Variants in GRIN2D observed in about 807,000 individuals in gnomAD.
The protein encoded by GRIN2D is glutamate ionotropic receptor NMDA type subunit 2D.
GRIN2D carries 37 observed loss-of-function variants against 103.2 expected under a neutral mutation model. The ratio of observed to expected loss-of-function variants is 0.36; its 90% CI spans 0.28 to 0.47. The LOEUF (loss-of-function observed/expected upper bound fraction) is 0.47, where lower values mean the gene tolerates loss of function less well. Among genes scored for constraint, GRIN2D ranks in the 20% least tolerant of loss-of-function variants. The probability of loss-of-function intolerance (pLI) is 1.00; values close to 1 mark genes in which losing one functional copy is unlikely to be tolerated. For synonymous variants in GRIN2D, 845 were observed against 885.6 expected (o/e 0.95, Z 0.81); for missense variants, 1,557 against 1,910.6 (o/e 0.81, Z 3.45).
chr19:48,443,516 G>T lies in GRIN2D; in HGVS notation c.3590G>T (p.Cys1197Phe). 2.2e-6 allele frequency: 3 copies of T among 1,347,598 alleles called. No homozygotes were observed. The highest frequency in any genetic ancestry group is 1.9e-6 in the Non-Finnish European group (2 of 1,049,950). 83.5% of individuals were successfully genotyped at this position (1,347,598 alleles called of 1,614,324 possible). A position where few individuals can be genotyped will look rare whatever the true frequency, so the allele number is the denominator to read the frequency against. The change falls in exon 14 of 14, where the codon TGC (cysteine) becomes TTC (phenylalanine). Residue 1197 changes from cysteine (C) to phenylalanine (F), a missense_variant. Cys to Phe is a radical substitution (Grantham distance 205, BLOSUM62 -2). Transcript: ENST00000263269. The surrounding 1 kb of genome is among the most constrained non-coding windows in gnomAD (Gnocchi z 8.9). Reference sequence around the variant, plus strand: ...CTGCCGCCGCCGCGCCATCTCAGCTGCTCGCACGATGGCCTGGACGGCGGC... The same window carrying T: ...CTGCCGCCGCCGCGCCATCTCAGCTTCTCGCACGATGGCCTGGACGGCGGC... The part of the protein sequence containing the change: ...ELLPPPRHLS[C>F]SHDGLDGGWW...
Position 48,393,855 on chromosome 19 carries a change from C to T in GRIN2D, c.-319C>T, listed in dbSNP as rs1970595256. Among the ~76,000 whole-genome samples, 1 of 151,956 alleles carries T rather than the reference C, an allele frequency of 6.6e-6. No homozygotes were observed. The highest frequency in any genetic ancestry group is 6.6e-5 in the Admixed American group (1 of 15,256). On this transcript the variant is annotated 5_prime_UTR_variant, in exon 1 of 14. Transcript: ENST00000263269. The surrounding 1 kb of genome is among the most constrained non-coding windows in gnomAD (Gnocchi z 5.6). ...CGGCCCCCAGGGGTCTCTCGAGCGT[C>T]TGCCATCTGCCCGGTGAGGATCTGT...
chr19:48,421,700 G>A lies in GRIN2D; in HGVS notation c.2092-85G>A, dbSNP rs1971025920. ...ACTCCTGGGACTGGGGTGTCTGCCA[G>A]ATAGCGGGTGTGTCTCAGAATGGGT... On this transcript the variant is annotated intron_variant, in intron 10 of 13. Transcript: ENST00000263269. The surrounding 1 kb of genome is among the most constrained non-coding windows in gnomAD (Gnocchi z 4.8). 1 of 1,121,608 alleles carries A rather than the reference G, an allele frequency of 8.9e-7. No individual in the cohort carries two copies. The highest frequency in any genetic ancestry group is 1.3e-6 in the Non-Finnish European group (1 of 753,998). The allele number at this position is 1,121,608 out of a possible 1,614,324, so 69.5% of individuals were successfully genotyped here.
At position 48,402,610 on chromosome 19, in the gene GRIN2D, G is replaced by C. The variant is rs868861295; in HGVS notation, c.466-2124G>C. 1.7e-3 allele frequency among the ~76,000 whole-genome samples: 250 copies of C among 151,082 alleles called. 3 individuals are homozygous for C. Among genetic ancestry groups the C allele is most frequent in the African/African-American group, 5.9e-3 (245 of 41,294 alleles). ...CGGGCGCCTGTAGTCCCAGCTACTCGGGAGGCTGAGGCAGGAGAATGGCGT... is the reference window on the plus strand; with the variant it reads ...CGGGCGCCTGTAGTCCCAGCTACTCCGGAGGCTGAGGCAGGAGAATGGCGT... On this transcript the variant is annotated intron_variant, in intron 3 of 13. Transcript: ENST00000263269.
rs1345145672 is a variant in GRIN2D, at chr19:48,414,870, A to G, written c.1419A>G (p.Pro473=). ...GCCTGGTCACTGCCCGCAGCCCTCC[A>G]CCGGATGCCCCCCGCCCGGAAAAGC... ...RSQLNRTHSP[P]PDAPRPEKRC... The change falls in exon 7 of 14, where the codon CCA becomes CCG. Residue 473 remains proline, a synonymous_variant. Coordinates refer to ENST00000263269, the MANE Select transcript of GRIN2D (RefSeq NM_000836.4). This position sits in a 1 kb window ranked among gnomAD's most constrained non-coding sequence, Gnocchi z 4.6. 1.2e-6 allele frequency: 2 copies of G among 1,613,786 alleles called. No homozygotes were observed. The highest frequency in any genetic ancestry group is 1.7e-5 in the Admixed American group (1 of 59,968).
intron 2 of GRIN2D, among the ~76,000 whole-genome samples, chr19:48,396,462 G>C (rs373726790): frequency 6.6e-6 from 1 of 152,016 alleles, no homozygotes; most frequent in African/African-American, 2.4e-5. Flanking sequence ...GCAGAGGAGG[G>C]GCTGGAGGGT....
chr19:48,400,143 G>A (rs988755779), intron 3 of GRIN2D, among the ~76,000 whole-genome samples: 4 of 152,164 alleles, frequency 2.6e-5, no homozygotes, highest in African/African-American at 9.7e-5. Context: ...TGACTCCCAA[G>A]GGCACAGAAG....
chr19:48,433,363 C>T (rs1971183746), intron 11 of GRIN2D, among the ~76,000 whole-genome samples: 3 of 151,820 alleles, frequency 2.0e-5, no homozygotes. Context: ...ATAACTCTAT[C>T]TCAAAAATAA....
chr19:48,404,293 C>T (rs1306481082), intron 3 of GRIN2D, among the ~76,000 whole-genome samples: 1 of 151,172 alleles, frequency 6.6e-6, no homozygotes, highest in Non-Finnish European at 1.5e-5. Flanking sequence ...GGTGGCTTTC[C>T]TCCGTATGGT....
chr19:48,407,460 G>A (rs1600973557), intron 4 of GRIN2D, among the ~76,000 whole-genome samples: 1 of 152,054 alleles, frequency 6.6e-6, no homozygotes, highest in East Asian at 1.9e-4. Context: ...AGATCTCATA[G>A]CAAAATGTCA....
At chr19:48,418,614 G>A (rs557883260) in intron 8 of GRIN2D, among the ~76,000 whole-genome samples, 1 of 152,146 alleles carries the variant, frequency 6.6e-6, no homozygotes, top group Non-Finnish European at 1.5e-5. Flanking sequence ...GTAGCATCAG[G>A]GGCAGGAGCG....
At position 48,394,990 on chromosome 19, in the gene GRIN2D, T is replaced by A. The variant is rs112904816; in HGVS notation, c.-27+54T>A. ...GGTGGTGGGAATGTGGACCCCCAAA[T>A]CTAGGACAGAGGAAGTTGGCAAGAA... is the stretch of plus-strand genomic sequence containing the variant. On this transcript the variant is annotated intron_variant, in intron 2 of 13. Coordinates refer to ENST00000263269, the MANE Select transcript of GRIN2D (RefSeq NM_000836.4). The surrounding 1 kb of genome is among the most constrained non-coding windows in gnomAD (Gnocchi z 5.1). 626 of 152,198 alleles carry A rather than the reference T, an allele frequency of 4.1e-3. 7 individuals carry two copies. The highest frequency in any genetic ancestry group is 0.014 in the African/African-American group (584 of 41,316). 9.4% of individuals were successfully genotyped at this position (152,198 alleles called of 1,614,324 possible). A position where few individuals can be genotyped will look rare whatever the true frequency, so the allele number is the denominator to read the frequency against.
chr19:48,396,026 G>A (rs1970635193), intron 2 of GRIN2D, among the ~76,000 whole-genome samples: 1 of 152,140 alleles, frequency 6.6e-6, no homozygotes, highest in African/African-American at 2.4e-5. Context: ...GTCTTTACGG[G>A]AGGAGGTAGG....
At chr19:48,434,830 C>T (rs12460671) in intron 11 of GRIN2D, among the ~76,000 whole-genome samples, 5,131 of 152,080 alleles carry the variant, frequency 0.034, 151 homozygotes, top group African/African-American at 0.075. Context: ...ATCTGCTGGC[C>T]TCAGCCTCCC....
intron 11 of GRIN2D, among the ~76,000 whole-genome samples, chr19:48,425,521 C>T (rs2147461155): frequency 6.6e-6 from 1 of 152,284 alleles, no homozygotes; most frequent in South Asian, 2.1e-4. Flanking sequence ...GGATTACAGG[C>T]GTGAGCCACC....
At position 48,398,844 on chromosome 19, in the gene GRIN2D, T is replaced by C; in HGVS notation, c.452T>C (p.Val151Ala). The C allele has an allele frequency of 7.4e-7, 1 of 1,355,692 alleles. No individual in the cohort carries two copies. The highest frequency in any genetic ancestry group is 9.5e-7 in the Non-Finnish European group (1 of 1,054,078). 84.0% of individuals were successfully genotyped at this position (1,355,692 alleles called of 1,614,324 possible). ...IVAVHGGAAL[V>A]LTPKEKGSTF... ...GCCGTGCACGGCGGCGCCGCGCTCG[T>C]GCTCACGCCCAAGGTGCGCGCGACC... The change falls in exon 3 of 14, where the codon GTG (valine) becomes GCG (alanine). Residue 151 changes from valine (V) to alanine (A), a missense_variant. Physicochemically the swap from Val to Ala is moderately conservative, Grantham distance 64. This residue lies in a region of GRIN2D where 490 missense variants were observed against 601.1 expected (regional missense o/e 0.82). Coordinates refer to ENST00000263269, the MANE Select transcript of GRIN2D (RefSeq NM_000836.4).
intron 2 of GRIN2D, among the ~76,000 whole-genome samples, chr19:48,395,656 CCCT>C (rs1428367712): frequency 2.0e-5 from 3 of 151,934 alleles, no homozygotes; most frequent in East Asian, 1.9e-4. Flanking sequence ...ATTTCTGGCA[CCCT>C]CCTCCTCCTC....
At chr19:48,428,619 TC>T (rs2147463919) in intron 11 of GRIN2D, among the ~76,000 whole-genome samples, 1 of 152,162 alleles carries the variant, frequency 6.6e-6, no homozygotes, top group South Asian at 2.1e-4. Flanking sequence ...TGCCACGGCC[TC>T]CCAAAGTGCT....
chr19:48,403,602 A>G (rs890092452), intron 3 of GRIN2D, among the ~76,000 whole-genome samples: 1 of 152,218 alleles, frequency 6.6e-6, no homozygotes, highest in Non-Finnish European at 1.5e-5. Context: ...AGAAGAGAAC[A>G]GTAAGGCACT....
chr19:48,443,863 C>G lies in GRIN2D; in HGVS notation c.3937C>G (p.Arg1313Gly). The change falls in exon 14 of 14, where the codon CGG (arginine) becomes GGG (glycine). Residue 1313 changes from arginine (R) to glycine (G), a missense_variant. This residue lies in a region of GRIN2D where 88 missense variants were observed against 84.3 expected (regional missense o/e 1.04). Transcript: ENST00000263269. This position sits in a 1 kb window ranked among gnomAD's most constrained non-coding sequence, Gnocchi z 8.9. ...GCCGCCGCTGCCCACAGCTTCCCAC[C>G]GGAGACACCGGGGCGGGGACCTGGG... ...WGPPLPTASHRRHRGGDLGTR... is the reference protein window; with the variant it reads ...WGPPLPTASHGRHRGGDLGTR... 1 of 1,483,244 alleles carries G rather than the reference C, an allele frequency of 6.7e-7. No homozygotes were observed. The highest frequency in any genetic ancestry group is 8.9e-7 in the Non-Finnish European group (1 of 1,124,744). 91.9% of individuals were successfully genotyped at this position (1,483,244 alleles called of 1,614,324 possible).
Sources: allele counts gnomAD v4.1 joint callset (sites outside exome capture counted in the v4.1 genomes callset), GRCh38; gene constraint gnomAD v4.1.1; regional missense constraint gnomAD v4.1.1; non-coding constraint Gnocchi (gnomAD v3.1); transcripts MANE v1.5; gene names NCBI Gene and HGNC (gene_info 2026-07-23, HGNC 2026-07-21).